TMIGD3: variants seen among roughly 807,000 people sequenced by gnomAD.
TMIGD3 encodes the protein transmembrane and immunoglobulin domain containing 3, also known as AD026 protein (AD026).
A neutral mutation model predicts 28.1 loss-of-function variants in TMIGD3; 21 were observed. The observed-to-expected ratio is 0.75, with a 90% CI of 0.53 to 1.08. The LOEUF is 1.08. Ranked by LOEUF, TMIGD3 falls within the 50% of genes least tolerant of loss-of-function variation. TMIGD3 has a pLI of 0.00. For missense variants in TMIGD3, 416 were observed against 435.6 expected (o/e 0.96, Z 0.40); for synonymous variants, 151 against 162.1 (o/e 0.93, Z 0.52).
intron 1 of TMIGD3, among the ~76,000 whole-genome samples, chr1:111,535,519 A>T (rs1345027978): frequency 6.6e-6 from 1 of 152,238 alleles, no homozygotes; most frequent in Non-Finnish European, 1.5e-5. Context: ...TAACACGGCA[A>T]AAGGACCCAG....
intron 1 of TMIGD3, among the ~76,000 whole-genome samples, chr1:111,512,396 C>G (rs11102289): frequency 6.6e-6 from 1 of 152,298 alleles, no homozygotes; most frequent in Admixed American, 6.5e-5. Context: ...GGAGAAATCA[C>G]TGTCAGGCTC....
intron 1 of TMIGD3, among the ~76,000 whole-genome samples, chr1:111,557,622 T>C (rs992686862): frequency 6.6e-6 from 1 of 151,904 alleles, no homozygotes; most frequent in Non-Finnish European, 1.5e-5. Context: ...ACTTTACTAA[T>C]AGACCCAAAT....
intron 1 of TMIGD3, among the ~76,000 whole-genome samples, chr1:111,524,995 T>G (rs1301012985): frequency 6.6e-6 from 1 of 152,270 alleles, no homozygotes; most frequent in Non-Finnish European, 1.5e-5. Flanking sequence ...ATTTTAGGAT[T>G]TTCCTGTTAT....
At chr1:111,509,683 T>C (rs17027867) in intron 1 of TMIGD3, among the ~76,000 whole-genome samples, 42,737 of 152,158 alleles carry the variant, frequency 0.28, 6,987 homozygotes, top group African/African-American at 0.45. Flanking sequence ...TAAGCAACCT[T>C]CTGATTTTGA....
intron 1 of TMIGD3, among the ~76,000 whole-genome samples, chr1:111,491,945 C>A (rs1654686888): frequency 6.6e-6 from 1 of 152,172 alleles, no homozygotes; most frequent in Admixed American, 6.5e-5. Flanking sequence ...TAGTCCCCTC[C>A]CACACTGAAT....
Position 111,490,675 on chromosome 1 carries a change from G to A in TMIGD3, c.438C>T (p.Leu146=). ...TCCTACCTGAAATGAGAGCCAAGGAGAGTAGAATGAAGAGCCACATGACTG... is the reference window on the plus strand; with the variant it reads ...TCCTACCTGAAATGAGAGCCAAGGAAAGTAGAATGAAGAGCCACATGACTG... The part of the protein sequence containing the change: ...FLPVMWLFIL[L]SLALISDAMV... The change falls in exon 2 of 6, where the codon CTC becomes CTT. Residue 146 remains leucine, a synonymous_variant. Coordinates refer to ENST00000369716, the MANE Select transcript of TMIGD3 (RefSeq NM_020683.7). 1.2e-6 allele frequency: 2 copies of A among 1,613,356 alleles called. No individual in the cohort carries two copies. Among genetic ancestry groups the A allele is most frequent in the Non-Finnish European group, 1.7e-6 (2 of 1,179,324 alleles).
chr1:111,560,138 C>T (rs1571468168), intron 1 of TMIGD3, among the ~76,000 whole-genome samples: 2 of 152,250 alleles, frequency 1.3e-5, no homozygotes, highest in Middle Eastern at 6.8e-3. Flanking sequence ...GTGAGGCTGA[C>T]AAAATTGTCT....
chr1:111,548,462 C>T (rs980583066), intron 1 of TMIGD3, among the ~76,000 whole-genome samples: 1 of 152,108 alleles, frequency 6.6e-6, no homozygotes, highest in Non-Finnish European at 1.5e-5. Context: ...TTTAAAATTT[C>T]CTTTGAAAGC....
chr1:111,485,496 C>CAA, intron 5 of TMIGD3: 1 of 378,272 alleles, frequency 2.6e-6, no homozygotes, highest in Non-Finnish European at 4.8e-6. Flanking sequence ...TGTCTCAGGA[C>CAA]CTCCTTCCTT....
At chr1:111,544,368 T>A (rs766237497) in intron 1 of TMIGD3, among the ~76,000 whole-genome samples, 1 of 152,172 alleles carries the variant, frequency 6.6e-6, no homozygotes, top group Non-Finnish European at 1.5e-5. Flanking sequence ...CCCAATTTCC[T>A]CTTCCCCTCA....
At chr1:111,559,747 T>G (rs1381554953) in intron 1 of TMIGD3, among the ~76,000 whole-genome samples, 1 of 152,234 alleles carries the variant, frequency 6.6e-6, no homozygotes, top group East Asian at 1.9e-4. Context: ...CTGCTTCATT[T>G]AAAACTTTCC....
intron 1 of TMIGD3, among the ~76,000 whole-genome samples, chr1:111,525,293 T>A (rs1056042553): frequency 7.2e-5 from 11 of 152,228 alleles, no homozygotes; most frequent in South Asian, 2.1e-4. Context: ...ATTGTGAATT[T>A]GTCTGTTTCT....
At chr1:111,499,652 G>T in intron 1 of TMIGD3, 2 of 1,166,656 alleles carry the variant, frequency 1.7e-6, no homozygotes, top group Non-Finnish European at 2.1e-6. Context: ...CACCCTTCAG[G>T]CTCCATGACT....
intron 5 of TMIGD3, among the ~76,000 whole-genome samples, chr1:111,484,136 A>G (rs576484663): frequency 6.6e-6 from 1 of 152,268 alleles, no homozygotes; most frequent in South Asian, 2.1e-4. Context: ...CTACTGCCTC[A>G]TCTTTCATAG....
Position 111,502,154 on chromosome 1 carries a change from G to GGA in TMIGD3, c.350+849_350+850dup, listed in dbSNP as rs1557824113. 3.2e-3 allele frequency among the ~76,000 whole-genome samples: 238 copies of GGA among 75,186 alleles called. 3 individuals carry two copies. Among genetic ancestry groups the GGA allele is most frequent in the African/African-American group, 0.011 (194 of 17,936 alleles). 49.3% of individuals were successfully genotyped at this position (75,186 alleles called of 152,430 possible). On this transcript the variant is annotated intron_variant, in intron 1 of 5. Coordinates refer to ENST00000369716, the MANE Select transcript of TMIGD3 (RefSeq NM_020683.7). ...ATATATTTAATATAATAAATATATAGGATATATATTTATTATAATAAATAT... is the reference window on the plus strand; with the variant it reads ...ATATATTTAATATAATAAATATATAGGAGATATATATTTATTATAATAAATAT...
At position 111,546,860 on chromosome 1, in the gene TMIGD3, G is replaced by A. The variant is rs542911337; in HGVS notation, c.107+16986C>T. ...AGGAATTGTCATATTGGTTTTCACA[G>A]TGGCTGCACCAGTTTACATTCCTAC... On this transcript the variant is annotated intron_variant, in intron 1 of 5. Coordinates refer to the TMIGD3 transcript ENST00000369717. Among the ~76,000 whole-genome samples, 32 of 152,278 alleles carry A rather than the reference G, an allele frequency of 2.1e-4. 1 individual carries two copies. The highest frequency in any genetic ancestry group is 7.7e-4 in the African/African-American group (32 of 41,568).
intron 1 of TMIGD3, among the ~76,000 whole-genome samples, chr1:111,517,053 T>C (rs572138585): frequency 1.3e-5 from 2 of 152,290 alleles, no homozygotes; most frequent in East Asian, 1.9e-4. Context: ...ACTCTCTCAC[T>C]CTCACTCTCC....
chr1:111,542,153 A>C (rs932970866), intron 1 of TMIGD3: 1 of 368,620 alleles, frequency 2.7e-6, no homozygotes, highest in African/African-American at 2.1e-5. Flanking sequence ...CATGTTTTTA[A>C]TTGAGTAGAT....
In TMIGD3 at chr1:111,483,511, T is replaced by C. The variant is rs1571393003; in HGVS notation, c.*176A>G. The stretch of plus-strand genomic sequence containing the variant: ...GGCAGCCTTGCTTGGGTGTGGTCTA[T>C]CATAGCTCCTCTGACTACCGCCGTT... On this transcript the variant is annotated 3_prime_UTR_variant, in exon 6 of 6. Coordinates refer to ENST00000369716, the MANE Select transcript of TMIGD3 (RefSeq NM_020683.7). The C allele has an allele frequency of 4.7e-6, 3 of 643,804 alleles. No individual in the cohort carries two copies. In the East Asian group the frequency reaches 8.6e-5, roughly 18 times the overall value. The allele number at this position is 643,804 out of a possible 1,614,324, so 39.9% of individuals were successfully genotyped here. A position where few individuals can be genotyped will look rare whatever the true frequency, so the allele number is the denominator to read the frequency against.
Sources: allele counts gnomAD v4.1 joint callset (sites outside exome capture counted in the v4.1 genomes callset), GRCh38; gene constraint gnomAD v4.1.1; transcripts MANE v1.5; gene names NCBI Gene and HGNC (gene_info 2026-07-23, HGNC 2026-07-21).